Variants in NBPF20 observed in about 807,000 individuals in gnomAD.
NBPF20 encodes the protein NBPF member 20.
In NBPF20, 90 loss-of-function variants were observed where a neutral mutation model predicts 68.1. The ratio of observed to expected loss-of-function variants is 1.32; its 90% confidence interval spans 1.11 to 1.58. The LOEUF (loss-of-function observed/expected upper bound fraction) is 1.58. Ranked by LOEUF, NBPF20 falls within the 40% of genes most tolerant of loss-of-function variation. The pLI is 0.00. For missense variants in NBPF20, 816 were observed against 601.2 expected (o/e 1.36, Z -3.74); for synonymous variants, 290 against 228.1 (o/e 1.27, Z -2.45).
At chr1:145,292,453 C>G (rs782324756) in exon 137 of NBPF20, 8 of 715,710 alleles carry the variant, frequency 1.1e-5, no homozygotes, top group Middle Eastern at 3.8e-4. Flanking sequence ...TGATCTTCTT[C>G]CCCTTCTTTT....
At chr1:145,422,699 T>G in the NBPF20 span, among the ~76,000 whole-genome samples, 1 of 152,140 alleles carries the variant, frequency 6.6e-6, no homozygotes, top group African/African-American at 2.4e-5. Context: ...TAGTAAAAAG[T>G]GAATCATAGC....
exon 4 of NBPF20, chr1:145,402,212 C>T: frequency 6.2e-7 from 1 of 1,600,326 alleles, no homozygotes; most frequent in Non-Finnish European, 8.6e-7. Flanking sequence ...CTACACCCCT[C>T]AGCCAGCTGT....
chr1:145,397,513 C>T (rs1464200061), intron 7 of NBPF20, among the ~76,000 whole-genome samples: 1 of 152,174 alleles, frequency 6.6e-6, no homozygotes, highest in African/African-American at 2.4e-5. Context: ...AGAAATAAAT[C>T]CTTTACAGAG....
chr1:145,398,400 A>T (rs1662362018), intron 7 of NBPF20, among the ~76,000 whole-genome samples: 4 of 151,948 alleles, frequency 2.6e-5, no homozygotes, highest in African/African-American at 7.3e-5. Context: ...GTGCAATCAA[A>T]TTAGAACTCA....
At chr1:145,403,095 T>G (rs1480583869) in intron 3 of NBPF20, 121 bp downstream of exon 8, 2 of 1,035,480 alleles carry the variant, frequency 1.9e-6, no homozygotes, top group Non-Finnish European at 3.0e-6. Flanking sequence ...GTAGCGAGCC[T>G]GCCATGGCAA....
chr1:145,291,654 T>G (rs781789632), exon 138 of NBPF20: 2 of 1,611,974 alleles, frequency 1.2e-6, no homozygotes, highest in South Asian at 2.2e-5. Context: ...AACACACTTC[T>G]GTAGTGCTGG....
chr1:145,403,295 T>G lies in NBPF20; in HGVS notation c.199A>C (p.Ile67Leu), dbSNP rs1374960536. 3 of 1,610,790 alleles carry G rather than the reference T, an allele frequency of 1.9e-6. No individual in the cohort carries two copies. The African/African-American group carries it at 4.0e-5, about 22-fold the overall frequency. ...CGCTCATTCCTCAGCATAGATTTTA[T>G]GAGGTCTTTGCACTCTTCATATTCT... The change falls in exon 3 of 138, where the codon ATA becomes CTA. Residue 67 changes from isoleucine (I) to leucine (L), a missense_variant. Ile to Leu is a conservative substitution (Grantham distance 5, BLOSUM62 2). Coordinates refer to ENST00000369373, the Ensembl canonical transcript of NBPF20.
At chr1:145,411,387 CTTTTTTTTTTTTTT>C in the NBPF20 span, among the ~76,000 whole-genome samples, 9 of 106,168 alleles carry the variant, frequency 8.5e-5, no homozygotes, top group African/African-American at 3.5e-4. Context: ...GTTGACTTTC[CTTTTTTTTTTTTTT>C]TTTTTTTTGA....
chr1:145,296,391 C>G, exon 132 of NBPF20: 1 of 21,538 alleles, frequency 4.6e-5, no homozygotes, highest in South Asian at 3.4e-4. Context: ...GTAAAAGGCA[C>G]TTCTGTAGGG....
exon 2 of NBPF20, chr1:145,405,269 C>A: frequency 1.9e-6 from 3 of 1,607,900 alleles, no homozygotes; most frequent in Non-Finnish European, 2.5e-6. Flanking sequence ...GCTGATACCA[C>A]CATGCTGACG....
At chr1:145,398,866 G>A (rs1205710575) in intron 7 of NBPF20, among the ~76,000 whole-genome samples, 183 bp downstream of exon 12, 3 of 149,838 alleles carry the variant, frequency 2.0e-5, no homozygotes, top group Non-Finnish European at 4.4e-5. Context: ...TTCCTATCTT[G>A]AGAGGACTAT....
At chr1:145,291,422 T>A (rs1204908429) in exon 138 of NBPF20, 7 of 1,608,640 alleles carry the variant, frequency 4.4e-6, no homozygotes, top group Admixed American at 3.3e-5. Flanking sequence ...CACTGACCCA[T>A]CCTATGTCTG....
At chr1:145,393,977 C>A (rs1266419416) in intron 8 of NBPF20, 42 bp from the exon 14 acceptor site, 2 of 1,005,328 alleles carry the variant, frequency 2.0e-6, no homozygotes, top group East Asian at 2.4e-5. Context: ...TTAAGCAGTT[C>A]TTCCTTGCAC....
chr1:145,292,493 C>T lies in NBPF20; in HGVS notation c.16589-4G>A. The stretch of plus-strand genomic sequence containing the variant: ...CCCTTCCCCTTCTTTTCAATTTCTG[C>T]AATAAATTCAGACATGGACAGACAC... On this transcript the variant is annotated splice_region_variant and splice_polypyrimidine_tract_variant and intron_variant, in intron 136 of 137. Coordinates refer to ENST00000369373, the Ensembl canonical transcript of NBPF20. The T allele has an allele frequency of 4.2e-6, 3 of 709,042 alleles. No homozygotes were observed. Among genetic ancestry groups the T allele is most frequent in the Non-Finnish European group, 7.5e-6 (3 of 399,148 alleles). 43.9% of individuals were successfully genotyped at this position (709,042 alleles called of 1,614,324 possible).
upstream of NBPF20, among the ~76,000 whole-genome samples, chr1:145,408,367 C>T (rs1571383850): frequency 6.6e-6 from 1 of 151,878 alleles, no homozygotes; most frequent in African/African-American, 2.4e-5. Context: ...GGCTGGAAAA[C>T]TTTTTTGTTT....
chr1:145,292,065 C>T (rs587738562), intron 137 of NBPF20, among the ~76,000 whole-genome samples: 11 of 149,326 alleles, frequency 7.4e-5, no homozygotes, highest in South Asian at 2.1e-4. Context: ...GAGTTAGTGT[C>T]CTCATGACAC....
chr1:145,402,347 C>T (rs1237541043), exon 4 of NBPF20: 61 of 1,601,040 alleles, frequency 3.8e-5, no homozygotes, highest in Non-Finnish European at 5.0e-5. Flanking sequence ...TGGGTCAGCT[C>T]TCGTTCCTGA....
At chr1:145,410,886 T>TACACAC in the NBPF20 span, among the ~76,000 whole-genome samples, 1 of 124,330 alleles carries the variant, frequency 8.0e-6, no homozygotes, top group Non-Finnish European at 1.6e-5. Flanking sequence ...TATATATGTA[T>TACACAC]ACACACACAC....
rs1470021036 is a variant in NBPF20 at position 145,394,735 on chromosome 1, G to A, written c.991+243C>T. Among the ~76,000 whole-genome samples, 201 of 151,946 alleles carry A rather than the reference G, an allele frequency of 1.3e-3. 3 individuals carry two copies. In the South Asian group the frequency reaches 0.018, roughly 13 times the overall value. ...CCACACCTGCCTTGAGTTCAATGTC[G>A]TGACAATCAGTCCAGGTTGGCACGG... is the stretch of plus-strand genomic sequence containing the variant. On this transcript the variant is annotated intron_variant, in intron 8 of 137. Transcript: ENST00000369373.
Sources: allele counts gnomAD v4.1 joint callset (sites outside exome capture counted in the v4.1 genomes callset), GRCh38; gene constraint gnomAD v4.1.1; transcripts MANE v1.5; gene names NCBI Gene and HGNC (gene_info 2026-07-23, HGNC 2026-07-21).